UBOX5: variants seen among roughly 807,000 people sequenced by gnomAD.
The protein encoded by UBOX5 is U-box domain containing 5.
Under a neutral mutation model 39.0 loss-of-function variants are expected in UBOX5, and 28 were observed. That is an observed-to-expected ratio of 0.72 (90% CI 0.53 to 0.98). The LOEUF (loss-of-function observed/expected upper bound fraction) is 0.98. Ranked by LOEUF, UBOX5 falls within the 50% of genes least tolerant of loss-of-function variation. UBOX5 has a pLI of 0.00. For missense variants in UBOX5, 585 were observed against 674.4 expected (o/e 0.87, Z 1.47); for synonymous variants, 283 against 275.5 (o/e 1.03, Z -0.27).
intron 1 of UBOX5, among the ~76,000 whole-genome samples, chr20:3,152,369 T>A (rs1234912583): frequency 6.6e-6 from 1 of 151,130 alleles, no homozygotes; most frequent in East Asian, 2.0e-4. Context: ...CAATTGCAGC[T>A]GGGGCACCTG....
intron 3 of UBOX5, among the ~76,000 whole-genome samples, chr20:3,117,540 C>T (rs1301725417): frequency 2.6e-5 from 4 of 152,030 alleles, no homozygotes; most frequent in South Asian, 2.1e-4. Flanking sequence ...AAAAATTAGC[C>T]GGGTGTGGCG....
chr20:3,128,402 G>C (rs574216943), intron 1 of UBOX5, among the ~76,000 whole-genome samples: 1 of 152,334 alleles, frequency 6.6e-6, no homozygotes, highest in East Asian at 1.9e-4. Flanking sequence ...CCAAAGGAAA[G>C]CAGACAATAT....
In UBOX5 at chr20:3,149,271, G is replaced by A; in HGVS notation, c.-42+10495C>T. 3 of 565,560 alleles carry A rather than the reference G, an allele frequency of 5.3e-6. No homozygotes were observed. The highest frequency in any genetic ancestry group is 9.4e-6 in the Non-Finnish European group (3 of 320,556). 35.0% of individuals were successfully genotyped at this position (565,560 alleles called of 1,614,324 possible). A position where few individuals can be genotyped will look rare whatever the true frequency, so the allele number is the denominator to read the frequency against. On this transcript the variant is annotated intron_variant, in intron 1 of 4. Transcript: ENST00000217173. This position sits in a 1 kb window ranked among gnomAD's most constrained non-coding sequence, Gnocchi z 4.1. ...AATTGGTGCCAGATACTGAAAAAAG[G>A]GTAGATGAAGAATGAGTGGCTTCTA...
chr20:3,109,046 A>T lies in UBOX5; in HGVS notation c.*1060T>A, dbSNP rs1387822518. 2.6e-5 allele frequency: 4 copies of T among 151,800 alleles called. No individual in the cohort carries two copies. Among genetic ancestry groups the T allele is most frequent in the African/African-American group, 9.7e-5 (4 of 41,338 alleles). The allele number at this position is 151,800 out of a possible 1,614,324, so 9.4% of individuals were successfully genotyped here. A position where few individuals can be genotyped will look rare whatever the true frequency, so the allele number is the denominator to read the frequency against. On this transcript the variant is annotated 3_prime_UTR_variant, in exon 5 of 5. Coordinates refer to ENST00000217173, the MANE Select transcript of UBOX5 (RefSeq NM_014948.4). ...GAAAGGAATGTGCCGGTTCACAGGGACCCGCGGCTAAGCTCAAGGGTAAAA... is the reference window on the plus strand; with the variant it reads ...GAAAGGAATGTGCCGGTTCACAGGGTCCCGCGGCTAAGCTCAAGGGTAAAA...
chr20:3,115,233 G>A (rs551320217), intron 4 of UBOX5, 72 bp downstream of exon 4: 24 of 1,506,348 alleles, frequency 1.6e-5, no homozygotes, highest in Middle Eastern at 2.4e-4. Flanking sequence ...CCAGGGACTC[G>A]GCCCAGCATC....
intron 1 of UBOX5, among the ~76,000 whole-genome samples, chr20:3,156,198 CAG>C (rs1262762145): frequency 6.8e-5 from 9 of 133,010 alleles, no homozygotes; most frequent in African/African-American, 2.6e-4. Context: ...TTTTTTGAGA[CAG>C]AGTCTTGCTC....
chr20:3,133,855 GTAT>G (rs2066448820), intron 1 of UBOX5, among the ~76,000 whole-genome samples: 1 of 151,760 alleles, frequency 6.6e-6, no homozygotes, highest in Non-Finnish European at 1.5e-5. Flanking sequence ...CTGGTGATGG[GTAT>G]TCTCCTACCT....
At chr20:3,131,581 G>A (rs948922342) in intron 1 of UBOX5, among the ~76,000 whole-genome samples, 1 of 152,180 alleles carries the variant, frequency 6.6e-6, no homozygotes, top group Non-Finnish European at 1.5e-5. Flanking sequence ...CAAGCCCTGT[G>A]CTAGGCACTG....
chr20:3,120,371 G>A (rs1277610048), intron 3 of UBOX5, among the ~76,000 whole-genome samples: 4 of 141,556 alleles, frequency 2.8e-5, no homozygotes, highest in Admixed American at 1.5e-4. Context: ...AACAGAAGTC[G>A]AGTGCAGTGG....
At chr20:3,113,261 C>A (rs554851227) in intron 4 of UBOX5, among the ~76,000 whole-genome samples, 6 of 149,126 alleles carry the variant, frequency 4.0e-5, no homozygotes, top group Admixed American at 4.0e-4. Context: ...GTACTCTAGC[C>A]CGGGCAACAG....
Position 3,157,429 on chromosome 20 carries a change from T to C in UBOX5, c.-42+2337A>G, listed in dbSNP as rs555404799. ...CTTTTTGTTCTAGACTCCATGCTGA[T>C]AGGAGAAAAACAGCACATCACAAAC... On this transcript the variant is annotated intron_variant, in intron 1 of 4. Coordinates refer to ENST00000217173, the MANE Select transcript of UBOX5 (RefSeq NM_014948.4). Among the ~76,000 whole-genome samples, 8 of 152,322 alleles carry C rather than the reference T, an allele frequency of 5.3e-5. No homozygotes were observed. The East Asian group carries it at 1.2e-3, about 22-fold the overall frequency.
At chr20:3,122,830 TC>T (rs1338203044) in intron 2 of UBOX5, among the ~76,000 whole-genome samples, 1 of 151,922 alleles carries the variant, frequency 6.6e-6, no homozygotes, top group Admixed American at 6.6e-5. Flanking sequence ...ACACCTGTAG[TC>T]CCAGCTACTC....
Position 3,121,509 on chromosome 20 carries a change from A to C in UBOX5, c.1130T>G (p.Phe377Cys). 3.5e-5 allele frequency: 57 copies of C among 1,613,998 alleles called. No individual in the cohort carries two copies. The highest frequency in any genetic ancestry group is 4.8e-5 in the Non-Finnish European group (57 of 1,179,994). ...EQAEHVPDSN[F>C]GVNASCFSAT... ...AGAAAAACAGGAAGCATTTACACCA[A>C]AGTTACTGTCTGGGACATGTTCAGC... The change falls in exon 3 of 5, where the codon TTT becomes TGT. Residue 377 changes from phenylalanine (F) to cysteine (C), a missense_variant. Coordinates refer to ENST00000217173, the MANE Select transcript of UBOX5 (RefSeq NM_014948.4).
rs969179937 is a variant in UBOX5 at position 3,152,160 on chromosome 20, C to A, written c.-42+7606G>T. On this transcript the variant is annotated intron_variant, in intron 1 of 4. Coordinates refer to ENST00000217173, the MANE Select transcript of UBOX5 (RefSeq NM_014948.4). ...CAGAGATAGCAGGTAACAGAACTCT[C>A]CAGCTGACAGAACAGGGCTTTTAAG... Among the ~76,000 whole-genome samples, 8 of 150,886 alleles carry A rather than the reference C, an allele frequency of 5.3e-5. No homozygotes were observed. In the East Asian group the frequency reaches 1.6e-3, roughly 29 times the overall value.
intron 1 of UBOX5, among the ~76,000 whole-genome samples, chr20:3,128,950 C>A (rs2066410035): frequency 6.6e-6 from 1 of 152,154 alleles, no homozygotes; most frequent in Admixed American, 6.6e-5. Flanking sequence ...ACCTTGACTG[C>A]CCTTTCCAAT....
At chr20:3,116,781 A>G (rs2066296579) in intron 3 of UBOX5, 1 of 152,216 alleles carries the variant, frequency 6.6e-6, no homozygotes, top group Non-Finnish European at 1.5e-5. Flanking sequence ...CCTAAACAGA[A>G]TAATTTCCAT....
intron 1 of UBOX5, among the ~76,000 whole-genome samples, chr20:3,128,690 C>A (rs2066407922): frequency 6.6e-6 from 1 of 151,992 alleles, no homozygotes; most frequent in African/African-American, 2.4e-5. Flanking sequence ...AGCAAGACCC[C>A]GTCTCTACAA....
intron 1 of UBOX5, among the ~76,000 whole-genome samples, chr20:3,138,167 G>A (rs2066487399): frequency 6.6e-6 from 1 of 152,032 alleles, no homozygotes; most frequent in Admixed American, 6.6e-5. Context: ...CAGCTACTCA[G>A]GAGGCTGAGG....
Position 3,122,141 on chromosome 20 carries a change from G to C in UBOX5, c.498C>G (p.Ser166=), listed in dbSNP as rs1304372023. Reference sequence around the variant, plus strand: ...TCCTTAAGTGGGCCACGTGGCTAAGGGAAAGAGCCCCTTTATTCCAGAGCT... The same window carrying C: ...TCCTTAAGTGGGCCACGTGGCTAAGCGAAAGAGCCCCTTTATTCCAGAGCT... ...AQELWNKGAL[S]LSHVAHLRIC... Residue 166 remains serine (S), a synonymous_variant, in exon 3 of 5, where the codon TCC becomes TCG. Coordinates refer to ENST00000217173, the MANE Select transcript of UBOX5 (RefSeq NM_014948.4). 2 of 1,614,134 alleles carry C rather than the reference G, an allele frequency of 1.2e-6. No homozygotes were observed. The highest frequency in any genetic ancestry group is 2.7e-5 in the African/African-American group (2 of 74,956).
Sources: allele counts gnomAD v4.1 joint callset (sites outside exome capture counted in the v4.1 genomes callset), GRCh38; gene constraint gnomAD v4.1.1; non-coding constraint Gnocchi (gnomAD v3.1); transcripts MANE v1.5; gene names NCBI Gene and HGNC (gene_info 2026-07-23, HGNC 2026-07-21).